NUDCD3: variants seen among roughly 807,000 people sequenced by gnomAD.
The protein encoded by NUDCD3 is nudC domain-containing protein 3.
NUDCD3 carries 13 observed loss-of-function variants against 39.7 expected under a neutral mutation model. That is an observed-to-expected ratio of 0.33 (90% CI 0.21 to 0.52). The LOEUF is 0.52. Among genes scored for constraint, NUDCD3 ranks in the 20% least tolerant of loss-of-function variants. NUDCD3 has a pLI of 0.96. For synonymous variants in NUDCD3, 175 were observed against 172.4 expected (o/e 1.02, Z -0.12); for missense variants, 453 against 458.1 (o/e 0.99, Z 0.10).
At chr7:44,452,863 T>C (rs1244888113) in intron 2 of NUDCD3, among the ~76,000 whole-genome samples, 1 of 152,192 alleles carries the variant, frequency 6.6e-6, no homozygotes, top group Non-Finnish European at 1.5e-5. Flanking sequence ...AAACTGTAGC[T>C]CCTTTGCTAT....
At chr7:44,392,569 A>G in intron 4 of NUDCD3, 84 bp from the exon 5 acceptor site, 2 of 1,228,714 alleles carry the variant, frequency 1.6e-6, no homozygotes, top group Non-Finnish European at 1.2e-6. Context: ...CCACTGAGGG[A>G]TGGGTGTCCA....
At chr7:44,478,018 G>A (rs1016683337) in intron 2 of NUDCD3, among the ~76,000 whole-genome samples, 12 of 151,826 alleles carry the variant, frequency 7.9e-5, no homozygotes, top group Non-Finnish European at 2.9e-5. Flanking sequence ...TATTTTTATA[G>A]AGACAGAGTT....
chr7:44,422,858 C>G lies in NUDCD3; in HGVS notation c.642+4713G>C, dbSNP rs1217606701. Among the ~76,000 whole-genome samples the G allele has an allele frequency of 4.6e-5, 7 of 152,128 alleles. No homozygotes were observed. The East Asian group carries it at 1.3e-3, about 29-fold the overall frequency. ...CACAACAAAAAAAGAAAATTTCAGG[C>G]CAATATCCCTGATGAACGTCGATGT... On this transcript the variant is annotated intron_variant, in intron 3 of 5. Coordinates refer to ENST00000355451, the MANE Select transcript of NUDCD3 (RefSeq NM_015332.4).
chr7:44,461,853 A>G (rs1800022977), intron 2 of NUDCD3, among the ~76,000 whole-genome samples: 1 of 152,112 alleles, frequency 6.6e-6, no homozygotes, highest in Non-Finnish European at 1.5e-5. Flanking sequence ...GGGCCACAGA[A>G]GCCAAGGAGA....
Position 44,490,439 on chromosome 7 carries a change from C to A in NUDCD3, c.162G>T (p.Pro54=), listed in dbSNP as rs550970726. 3 of 1,590,288 alleles carry A rather than the reference C, an allele frequency of 1.9e-6. No homozygotes were observed. The highest frequency in any genetic ancestry group is 3.5e-5 in the Admixed American group (2 of 56,554). ...LRHPSDRMGF[P]PGAAQALVLQ... ...GCACCAAGGCCTGCGCGGCCCCGGG[C>A]GGGAAGCCCATGCGGTCCGATGGGT... Residue 54 remains proline, a synonymous_variant, in exon 1 of 6, where the codon CCG becomes CCT. Transcript: ENST00000355451.
chr7:44,419,953 C>T (rs1356408373), intron 3 of NUDCD3, among the ~76,000 whole-genome samples: 1 of 152,116 alleles, frequency 6.6e-6, no homozygotes, highest in African/African-American at 2.4e-5. Context: ...TCCAAATGAT[C>T]GCAACTCCTC....
At chr7:44,479,017 A>T (rs1800436287) in intron 2 of NUDCD3, among the ~76,000 whole-genome samples, 2 of 152,324 alleles carry the variant, frequency 1.3e-5, no homozygotes, top group Non-Finnish European at 1.5e-5. Context: ...AGGGGAAGTA[A>T]ACACATCCTT....
At position 44,469,805 on chromosome 7, in the gene NUDCD3, TATA is replaced by T. The variant is rs1330019941; in HGVS notation, c.509+15160_509+15162del. Among the ~76,000 whole-genome samples, 12 of 145,592 alleles carry T rather than the reference TATA, an allele frequency of 8.2e-5. No individual in the cohort carries two copies. The East Asian group carries it at 2.4e-3, about 29-fold the overall frequency. The stretch of plus-strand genomic sequence containing the variant: ...GTCATAAGGAAGCATCAGACAAAAC[TATA>T]ATGAGGGACATTCCACGAAAAAAAA... On this transcript the variant is annotated intron_variant, in intron 2 of 5. Transcript: ENST00000355451.
chr7:44,415,275 T>C (rs999623014), intron 3 of NUDCD3, among the ~76,000 whole-genome samples: 2 of 152,156 alleles, frequency 1.3e-5, no homozygotes, highest in African/African-American at 4.8e-5. Flanking sequence ...ACATGAGCAA[T>C]CACAAAAACA....
intron 2 of NUDCD3, among the ~76,000 whole-genome samples, chr7:44,434,555 GA>G (rs1158090413): frequency 6.6e-6 from 1 of 152,076 alleles, no homozygotes; most frequent in Non-Finnish European, 1.5e-5. Flanking sequence ...GCAGGGATGT[GA>G]CCCCCCCGCC....
intron 3 of NUDCD3, among the ~76,000 whole-genome samples, chr7:44,417,057 C>G (rs908627076): frequency 6.6e-6 from 1 of 152,206 alleles, no homozygotes; most frequent in Non-Finnish European, 1.5e-5. Context: ...TATTTACTGA[C>G]TTTTACTGCT....
intron 2 of NUDCD3, among the ~76,000 whole-genome samples, chr7:44,483,926 G>A (rs1257686974): frequency 6.6e-6 from 1 of 152,164 alleles, no homozygotes. Context: ...GAGGATTGCT[G>A]GAGCCCAAGA....
intron 2 of NUDCD3, among the ~76,000 whole-genome samples, chr7:44,429,804 TG>T (rs1313422563): frequency 5.3e-5 from 8 of 151,966 alleles, no homozygotes; most frequent in African/African-American, 1.9e-4. Flanking sequence ...CTGAATGACA[TG>T]AGAAAAGAGG....
intron 2 of NUDCD3, among the ~76,000 whole-genome samples, chr7:44,453,139 G>A (rs367700046): frequency 1.3e-5 from 2 of 152,272 alleles, no homozygotes; most frequent in African/African-American, 4.8e-5. Context: ...GATCACCTGA[G>A]GTCAGGAGTT....
At chr7:44,482,255 CT>C (rs1800507243) in intron 2 of NUDCD3, among the ~76,000 whole-genome samples, 1 of 152,138 alleles carries the variant, frequency 6.6e-6, no homozygotes, top group Admixed American at 6.5e-5. Flanking sequence ...AGTAGGAAAC[CT>C]GGGTAACTGA....
chr7:44,425,721 C>T (rs2116899321), intron 3 of NUDCD3, among the ~76,000 whole-genome samples: 1 of 152,132 alleles, frequency 6.6e-6, no homozygotes, highest in Middle Eastern at 3.4e-3. Flanking sequence ...TTAAACTTAA[C>T]CAGGCATGAT....
chr7:44,419,650 G>A (rs898003649), intron 3 of NUDCD3, among the ~76,000 whole-genome samples: 2 of 152,228 alleles, frequency 1.3e-5, no homozygotes, highest in Admixed American at 1.3e-4. Context: ...TCCAGAGGAA[G>A]GAGGAGGTGG....
At chr7:44,447,673 A>C (rs1278794640) in intron 2 of NUDCD3, among the ~76,000 whole-genome samples, 1 of 152,196 alleles carries the variant, frequency 6.6e-6, no homozygotes, top group Non-Finnish European at 1.5e-5. Flanking sequence ...TAGGAAAATA[A>C]AATTTTGTAT....
intron 2 of NUDCD3, among the ~76,000 whole-genome samples, chr7:44,429,171 C>T (rs1442915550): frequency 6.6e-6 from 1 of 152,198 alleles, no homozygotes; most frequent in Non-Finnish European, 1.5e-5. Flanking sequence ...GGCCTGAGTC[C>T]TCTGGGCTGG....
Sources: gnomAD v4.1 joint callset for allele counts (sites outside exome capture counted in the v4.1 genomes callset) on GRCh38, gnomAD v4.1.1 for gene constraint, MANE v1.5 for transcripts, NCBI Gene and HGNC (gene_info 2026-07-23, HGNC 2026-07-21) for gene names.